Variants in GRIA3 observed in about 807,000 individuals in gnomAD.
GRIA3 encodes glutamate ionotropic receptor AMPA type subunit 3.
In GRIA3, 3 loss-of-function variants were observed where a neutral mutation model predicts 63.0. That is an observed-to-expected ratio of 0.05 (90% CI 0.02 to 0.12). The LOEUF (loss-of-function observed/expected upper bound fraction) is 0.12. Among genes scored for constraint, GRIA3 ranks in the 10% least tolerant of loss-of-function variants. GRIA3 has a pLI of 1.00. For synonymous variants in GRIA3, 274 were observed against 257.9 expected (o/e 1.06, Z -0.60); for missense variants, 347 against 700.9 (o/e 0.50, Z 5.70).
intron 3 of GRIA3, among the ~76,000 whole-genome samples, chrX:123,279,458 G>A (rs746775466): frequency 2.2e-4 from 25 of 111,974 alleles, no homozygotes; most frequent in Non-Finnish European, 4.1e-4. Context: ...AAAACATCAT[G>A]TTGTACACAA....
chrX:123,429,893 C>T (rs1182142843), intron 12 of GRIA3, among the ~76,000 whole-genome samples: 2 of 111,935 alleles, frequency 1.8e-5, no homozygotes, highest in Non-Finnish European at 3.8e-5. Context: ...AATCAATAAA[C>T]GGCATCAATT....
intron 4 of GRIA3, among the ~76,000 whole-genome samples, chrX:123,336,039 T>G (rs976434261): frequency 6.2e-5 from 7 of 112,016 alleles, no homozygotes; most frequent in Non-Finnish European, 3.8e-5. Context: ...GGAGTCTTGT[T>G]CTAGATTCTA....
rs151300076 is a variant in GRIA3 at position 123,469,673 on chromosome X, T to G, written c.2324+4561T>G. On this transcript the variant is annotated intron_variant, in intron 13 of 15. Coordinates refer to ENST00000620443, the MANE Select transcript of GRIA3 (RefSeq NM_007325.5). ...TGTTCATGCTTTATTACAATGTGTGTGCAGATGCAGTAATTAAGAGCCAGT... is the reference window on the plus strand; with the variant it reads ...TGTTCATGCTTTATTACAATGTGTGGGCAGATGCAGTAATTAAGAGCCAGT... Among the ~76,000 whole-genome samples the G allele has an allele frequency of 5.9e-3, 665 of 112,462 alleles. 5 individuals carry two copies. Among genetic ancestry groups the G allele is most frequent in the African/African-American group, 0.02 (619 of 30,960 alleles).
At chrX:123,225,319 C>A in intron 2 of GRIA3, among the ~76,000 whole-genome samples, 1 of 112,202 alleles carries the variant, frequency 8.9e-6, no homozygotes, top group Non-Finnish European at 1.9e-5. Flanking sequence ...CTGTGCCTGG[C>A]ATATGGTCTT....
intron 2 of GRIA3, among the ~76,000 whole-genome samples, chrX:123,189,291 T>C (rs1159340644): frequency 8.9e-6 from 1 of 112,200 alleles, no homozygotes; most frequent in African/African-American, 3.3e-5. Context: ...ACAATCAATA[T>C]ATATGAAGAG....
At chrX:123,273,818 T>C (rs1277241308) in intron 3 of GRIA3, among the ~76,000 whole-genome samples, 5 of 112,536 alleles carry the variant, frequency 4.4e-5, no homozygotes, top group Non-Finnish European at 1.9e-5. Flanking sequence ...TCATTTTATC[T>C]AGACTTTATG....
intron 4 of GRIA3, among the ~76,000 whole-genome samples, chrX:123,326,559 A>T (rs986863444): frequency 1.8e-5 from 2 of 111,625 alleles, no homozygotes; most frequent in African/African-American, 6.5e-5. Context: ...CCTTCTTCCC[A>T]ACAGGGAACA....
chrX:123,438,391 G>A (rs1237524337), intron 12 of GRIA3, among the ~76,000 whole-genome samples: 3 of 112,490 alleles, frequency 2.7e-5, no homozygotes, highest in Non-Finnish European at 5.6e-5. Context: ...TGATGAATAC[G>A]TGACTATTTG....
chrX:123,399,956 G>A (rs576025615), intron 7 of GRIA3, among the ~76,000 whole-genome samples: 3 of 111,625 alleles, frequency 2.7e-5, no homozygotes, highest in South Asian at 7.6e-4. Flanking sequence ...GTTTTATGGA[G>A]GTAGCACTGT....
intron 4 of GRIA3, among the ~76,000 whole-genome samples, chrX:123,334,869 A>G (rs1384797988): frequency 9.1e-6 from 1 of 110,488 alleles, no homozygotes; most frequent in Non-Finnish European, 1.9e-5. Context: ...CAGTTCCATC[A>G]GGCTATGGTT....
intron 2 of GRIA3, among the ~76,000 whole-genome samples, chrX:123,195,917 A>G (rs1339045531): frequency 2.7e-5 from 3 of 111,561 alleles, no homozygotes; most frequent in African/African-American, 9.8e-5. Context: ...CATACACTCT[A>G]TATCTAGTAG....
chrX:123,431,027 T>TACACCCAC (rs1556321107), intron 12 of GRIA3, among the ~76,000 whole-genome samples: 1 of 99,465 alleles, frequency 1.0e-5, no homozygotes, highest in Non-Finnish European at 2.0e-5. Flanking sequence ...GTAACTCACA[T>TACACCCAC]ACACACACAC....
chrX:123,283,011 G>T (rs1027478514), intron 3 of GRIA3, among the ~76,000 whole-genome samples: 6 of 112,100 alleles, frequency 5.4e-5, no homozygotes, highest in Non-Finnish European at 1.1e-4. Flanking sequence ...CAACACAGAA[G>T]GCAGGTGATT....
At chrX:123,282,638 G>T (rs973378580) in intron 3 of GRIA3, among the ~76,000 whole-genome samples, 2 of 112,763 alleles carry the variant, frequency 1.8e-5, no homozygotes, top group Non-Finnish European at 3.7e-5. Flanking sequence ...GGGAGCAGTG[G>T]CTCATGCTTA....
intron 3 of GRIA3, among the ~76,000 whole-genome samples, chrX:123,303,562 T>C (rs780989813): frequency 9.0e-6 from 1 of 110,943 alleles, no homozygotes; most frequent in South Asian, 3.8e-4. Context: ...TTCATCTATG[T>C]TTCATGTTTT....
chrX:123,348,824 T>C (rs1353362370), intron 4 of GRIA3, among the ~76,000 whole-genome samples: 1 of 112,212 alleles, frequency 8.9e-6, no homozygotes, highest in East Asian at 2.8e-4. Context: ...TTTGCTCCTT[T>C]ACAATACTCA....
At position 123,223,724 on chromosome X, in the gene GRIA3, G is replaced by A. The variant is rs753776756; in HGVS notation, c.269-29579G>A. Among the ~76,000 whole-genome samples the A allele has an allele frequency of 6.3e-5, 7 of 111,653 alleles. No individual in the cohort carries two copies. The South Asian group carries it at 2.7e-3, about 43-fold the overall frequency. ...GGGCTGGAAATGTGGGGCAGGATAA[G>A]GGTGGAAGGGAGCACAGGGCAGGAG... On this transcript the variant is annotated intron_variant, in intron 2 of 15. Transcript: ENST00000620443.
chrX:123,360,847 TCTCTCTCTCACACACACACA>T (rs2045167785), intron 5 of GRIA3, among the ~76,000 whole-genome samples: 1 of 29,165 alleles, frequency 3.4e-5, no homozygotes, highest in African/African-American at 1.2e-4. Flanking sequence ...TCTCTCTCTC[TCTCTCTCTCACACACACACA>T]CACACACACA....
intron 2 of GRIA3, among the ~76,000 whole-genome samples, chrX:123,232,972 T>C (rs1298454668): frequency 9.0e-6 from 1 of 111,355 alleles, no homozygotes; most frequent in African/African-American, 3.3e-5. Flanking sequence ...GCTTATTTTC[T>C]TGAAATAATC....
Sources: gnomAD v4.1 joint callset for allele counts (sites outside exome capture counted in the v4.1 genomes callset) on GRCh38, gnomAD v4.1.1 for gene constraint, MANE v1.5 for transcripts, NCBI Gene and HGNC (gene_info 2026-07-23, HGNC 2026-07-21) for gene names.